The following SOBP variants were observed in gnomAD, a reference collection of about 807,000 sequenced individuals.
SOBP encodes the protein sine oculis-binding protein homolog.
SOBP carries 4 observed loss-of-function variants against 53.6 expected under a neutral mutation model. The ratio of observed to expected loss-of-function variants is 0.07; its 90% confidence interval spans 0.04 to 0.17. SOBP has a LOEUF of 0.17. Among genes scored for constraint, SOBP ranks in the 10% least tolerant of loss-of-function variants. The pLI is 1.00. For missense variants in SOBP, 1,088 were observed against 1,204.7 expected, an observed-to-expected ratio of 0.90 and a Z score of 1.43; for synonymous variants, 584 against 522.6, an observed-to-expected ratio of 1.12 and a Z score of -1.60.
intron 3 of SOBP, among the ~76,000 whole-genome samples, chr6:107,521,949 CACACACACACAA>C (rs1341827087): frequency 1.2e-4 from 17 of 140,030 alleles, no homozygotes; most frequent in African/African-American, 4.3e-4. Flanking sequence ...CACACACACA[CACACACACACAA>C]ACTCAATCAA....
At chr6:107,502,252 A>G (rs1032787615) in intron 1 of SOBP, among the ~76,000 whole-genome samples, 1 of 152,174 alleles carries the variant, frequency 6.6e-6, no homozygotes, top group Non-Finnish European at 1.5e-5. Flanking sequence ...AGGTATATAA[A>G]TTATATATTG....
rs142684033 is a variant in SOBP, at chr6:107,637,090, G to C, written c.*3+1621G>C. Among the ~76,000 whole-genome samples the C allele has an allele frequency of 1.6e-4, 24 of 152,228 alleles. No individual in the cohort carries two copies. The East Asian group carries it at 4.6e-3, about 29-fold the overall frequency. On this transcript the variant is annotated intron_variant, in intron 6 of 6. Transcript: ENST00000317357. The stretch of plus-strand genomic sequence containing the variant: ...GGTAAAACAACCCTCAGTTGTCATA[G>C]GGGAAAGTTTCTTAAAAAACAAACA...
chr6:107,639,483 G>A (rs1771213163), intron 6 of SOBP, among the ~76,000 whole-genome samples: 1 of 152,192 alleles, frequency 6.6e-6, no homozygotes, highest in African/African-American at 2.4e-5. Flanking sequence ...TTAAAAGGTT[G>A]TAAACTTCCT....
chr6:107,506,158 T>G, intron 2 of SOBP, 84 bp from the exon 3 acceptor site: 1 of 1,230,212 alleles, frequency 8.1e-7, no homozygotes, highest in Non-Finnish European at 1.2e-6. Context: ...TTCATGGCCA[T>G]TTTACTTGAG....
Position 107,633,964 on chromosome 6 carries a change from C to T in SOBP, c.1120C>T (p.Pro374Ser). Residue 374 changes from proline to serine, a missense_variant, in exon 6 of 7, where the codon CCT becomes TCT. This residue lies in a region of SOBP where 211 missense variants were observed against 258.9 expected (regional missense o/e 0.82). Transcript: ENST00000317357. ...CGTCCAGCCACCTGCTAGCATCGGG[C>T]CTCCCCTTGGCGTCCCGCCTCGGAG... The part of the protein sequence containing the change: ...VSVQPPASIG[P>S]PLGVPPRSPP... 1 of 1,614,198 alleles carries T rather than the reference C, an allele frequency of 6.2e-7. No individual in the cohort carries two copies. The highest frequency in any genetic ancestry group is 8.5e-7 in the Non-Finnish European group (1 of 1,180,026).
chr6:107,565,277 T>C (rs370973787), intron 4 of SOBP, among the ~76,000 whole-genome samples: 1 of 151,992 alleles, frequency 6.6e-6, no homozygotes. Flanking sequence ...GGTTCCAGAG[T>C]CTCTGCTGAG....
At chr6:107,537,575 C>G (rs1458498578) in intron 4 of SOBP, among the ~76,000 whole-genome samples, 1 of 152,142 alleles carries the variant, frequency 6.6e-6, no homozygotes, top group Non-Finnish European at 1.5e-5. Flanking sequence ...AATCCCAGCA[C>G]TTTGGGAGGT....
At position 107,639,597 on chromosome 6, in the gene SOBP, C is replaced by T. The variant is rs536764398; in HGVS notation, c.*3+4128C>T. Among the ~76,000 whole-genome samples, 82 of 152,234 alleles carry T rather than the reference C, an allele frequency of 5.4e-4. No homozygotes were observed. The Middle Eastern group carries it at 0.01, about 19-fold the overall frequency. ...AGGAAAACAATGTATAAACATTTTCCGAACTATTCTATCCACAAAGAATTC... is the reference window on the plus strand; with the variant it reads ...AGGAAAACAATGTATAAACATTTTCTGAACTATTCTATCCACAAAGAATTC... On this transcript the variant is annotated intron_variant, in intron 6 of 6. Transcript: ENST00000317357.
chr6:107,572,186 A>G lies in SOBP; in HGVS notation c.574-14894A>G, dbSNP rs111618872. 5.5e-3 allele frequency among the ~76,000 whole-genome samples: 832 copies of G among 152,330 alleles called. 14 individuals carry two copies. The highest frequency in any genetic ancestry group is 0.019 in the African/African-American group (778 of 41,582). ...ATTTAAACAAAACCAAACCCTGAAGATAGCAATTTTGAACTGAATTCTAAA... is the reference window on the plus strand; with the variant it reads ...ATTTAAACAAAACCAAACCCTGAAGGTAGCAATTTTGAACTGAATTCTAAA... On this transcript the variant is annotated intron_variant, in intron 4 of 6. Transcript: ENST00000317357.
intron 4 of SOBP, among the ~76,000 whole-genome samples, chr6:107,574,951 T>C (rs1034700509): frequency 6.6e-6 from 1 of 152,150 alleles, no homozygotes; most frequent in Admixed American, 6.5e-5. Flanking sequence ...CCTGCAAGGA[T>C]GTGAGGGTTT....
intron 6 of SOBP, among the ~76,000 whole-genome samples, chr6:107,638,908 A>G (rs1771185663): frequency 7.0e-6 from 1 of 142,142 alleles, no homozygotes; most frequent in East Asian, 2.1e-4. Flanking sequence ...ATTTTATTTT[A>G]TTTATTATTT....
intron 4 of SOBP, among the ~76,000 whole-genome samples, chr6:107,555,067 C>G (rs1227046466): frequency 6.6e-6 from 1 of 152,070 alleles, no homozygotes; most frequent in Non-Finnish European, 1.5e-5. Flanking sequence ...CATCCCACTT[C>G]ATGAGAAAAT....
At chr6:107,532,257 A>AC (rs1783848596) in intron 3 of SOBP, among the ~76,000 whole-genome samples, 1 of 150,708 alleles carries the variant, frequency 6.6e-6, no homozygotes, top group African/African-American at 2.5e-5. Flanking sequence ...ACACACACAC[A>AC]CACACACACA....
At chr6:107,563,680 A>G (rs1784834389) in intron 4 of SOBP, among the ~76,000 whole-genome samples, 1 of 152,128 alleles carries the variant, frequency 6.6e-6, no homozygotes, top group Admixed American at 6.6e-5. Context: ...TTCTATTGAA[A>G]AAAAAAAAAC....
In SOBP at chr6:107,587,187, A is replaced by T. The variant is rs753641327; in HGVS notation, c.669+12A>T. 3 of 1,603,450 alleles carry T rather than the reference A, an allele frequency of 1.9e-6. No homozygotes were observed. The highest frequency in any genetic ancestry group is 2.7e-5 in the African/African-American group (2 of 74,736). On this transcript the variant is annotated intron_variant, in intron 5 of 6. Coordinates refer to ENST00000317357, the MANE Select transcript of SOBP (RefSeq NM_018013.4). Reference sequence around the variant, plus strand: ...ACTGCGAACTACTTGTAAGAATAACATACTTACAACAAGTCTAGAATGTTA... The same window carrying T: ...ACTGCGAACTACTTGTAAGAATAACTTACTTACAACAAGTCTAGAATGTTA...
chr6:107,574,118 G>A (rs1785156354), intron 4 of SOBP, among the ~76,000 whole-genome samples: 1 of 152,162 alleles, frequency 6.6e-6, no homozygotes, highest in Non-Finnish European at 1.5e-5. Flanking sequence ...CACATATAGT[G>A]CATCCTACAG....
chr6:107,564,842 G>C (rs1382031322), intron 4 of SOBP, among the ~76,000 whole-genome samples: 4 of 152,200 alleles, frequency 2.6e-5, no homozygotes. Context: ...TATTTTTCCA[G>C]CGTTTCTCTG....
chr6:107,585,525 A>G (rs1465694897), intron 4 of SOBP, among the ~76,000 whole-genome samples: 4 of 152,230 alleles, frequency 2.6e-5, no homozygotes, highest in South Asian at 4.1e-4. Context: ...GACATGAACA[A>G]CAATTAAACT....
chr6:107,649,549 G>A (rs756885784), intron 6 of SOBP, among the ~76,000 whole-genome samples: 2 of 152,024 alleles, frequency 1.3e-5, no homozygotes, highest in Non-Finnish European at 2.9e-5. Context: ...GAAAGCCAGG[G>A]CATAGGACCT....
Sources: allele counts gnomAD v4.1 joint callset (sites outside exome capture counted in the v4.1 genomes callset), GRCh38; gene constraint gnomAD v4.1.1; regional missense constraint gnomAD v4.1.1; transcripts MANE v1.5; gene names NCBI Gene and HGNC (gene_info 2026-07-23, HGNC 2026-07-21).